Variants in TTLL5 observed in about 807,000 individuals in gnomAD.
TTLL5 encodes the protein tubulin polyglutamylase TTLL5.
Under a neutral mutation model 168.4 loss-of-function variants are expected in TTLL5, and 132 were observed. That is an observed-to-expected ratio of 0.78 (90% CI 0.68 to 0.91). The LOEUF is 0.91. TTLL5 is among the 40% of genes least tolerant of loss of function. The probability of loss-of-function intolerance (pLI) is 0.00; values close to 1 mark genes in which losing one functional copy is unlikely to be tolerated. For synonymous variants in TTLL5, 546 were observed against 558.6 expected, an observed-to-expected ratio of 0.98 and a Z score of 0.32; for missense variants, 1,545 against 1,581.5, an observed-to-expected ratio of 0.98 and a Z score of 0.39.
rs531486901 is a variant in TTLL5 at position 75,874,736 on chromosome 14, G to T, written c.3523-7949G>T. 7.9e-5 allele frequency among the ~76,000 whole-genome samples: 12 copies of T among 152,166 alleles called. No homozygotes were observed. The South Asian group carries it at 2.1e-3, about 26-fold the overall frequency. On this transcript the variant is annotated intron_variant, in intron 29 of 31. Transcript: ENST00000298832. ...GGAAATGATCCAGCATATGTGAAAA[G>T]GTATAGATAACATGATGTTTATCAC...
intron 15 of TTLL5, among the ~76,000 whole-genome samples, chr14:75,742,349 T>A (rs1889328943): frequency 6.6e-6 from 1 of 152,244 alleles, no homozygotes. Context: ...GTAAGAAAGC[T>A]ACTTAACTGT....
At chr14:75,922,048 T>C (rs552161624) in intron 31 of TTLL5, among the ~76,000 whole-genome samples, 18 of 152,284 alleles carry the variant, frequency 1.2e-4, no homozygotes, top group Non-Finnish European at 2.1e-4. Flanking sequence ...TTGTTACTGG[T>C]GTATAGGAAT....
intron 28 of TTLL5, among the ~76,000 whole-genome samples, chr14:75,844,472 T>C (rs1896435589): frequency 6.6e-6 from 1 of 152,192 alleles, no homozygotes; most frequent in Non-Finnish European, 1.5e-5. Context: ...TAAGTTATGA[T>C]TTTCTGTTTC....
At chr14:75,689,266 C>T (rs962185506) in intron 5 of TTLL5, among the ~76,000 whole-genome samples, 2 of 152,172 alleles carry the variant, frequency 1.3e-5, no homozygotes, top group African/African-American at 2.4e-5. Context: ...CTGATGACTG[C>T]AGTGCTGGCC....
At chr14:75,817,273 C>T (rs1454555401) in intron 27 of TTLL5, among the ~76,000 whole-genome samples, 3 of 152,118 alleles carry the variant, frequency 2.0e-5, no homozygotes, top group Admixed American at 2.0e-4. Flanking sequence ...CCACCACGCC[C>T]AGCCTCTTCC....
intron 31 of TTLL5, among the ~76,000 whole-genome samples, chr14:75,951,721 C>G (rs1269283117): frequency 6.6e-6 from 1 of 152,178 alleles, no homozygotes; most frequent in African/African-American, 2.4e-5. Context: ...ATGATTCTGC[C>G]TCTGCACAAT....
intron 3 of TTLL5, among the ~76,000 whole-genome samples, chr14:75,669,804 G>A (rs748082889): frequency 2.0e-5 from 3 of 151,376 alleles, no homozygotes; most frequent in African/African-American, 2.4e-5. Flanking sequence ...TGTACAAGTC[G>A]TTGTTGTTTA....
At chr14:75,772,819 C>G (rs1472744264) in intron 21 of TTLL5, among the ~76,000 whole-genome samples, 5 of 152,088 alleles carry the variant, frequency 3.3e-5, no homozygotes, top group African/African-American at 9.7e-5. Context: ...AGGCACCCAC[C>G]ACCAAGCCTA....
chr14:75,887,409 C>A (rs1305551345), intron 30 of TTLL5: 2 of 814,640 alleles, frequency 2.5e-6, no homozygotes, highest in African/African-American at 1.9e-5. Flanking sequence ...ATAGAAGATA[C>A]CATATTGTGT....
chr14:75,756,381 A>C (rs911814411), intron 18 of TTLL5, among the ~76,000 whole-genome samples: 3 of 152,210 alleles, frequency 2.0e-5, no homozygotes, highest in African/African-American at 4.8e-5. Flanking sequence ...AAAGGGCAAC[A>C]TAGGGGATCT....
intron 28 of TTLL5, among the ~76,000 whole-genome samples, chr14:75,824,153 A>T (rs1275082478): frequency 6.6e-6 from 1 of 152,102 alleles, no homozygotes; most frequent in Admixed American, 6.5e-5. Context: ...GTTGCTGGGG[A>T]GGAGCAGTAA....
chr14:75,817,269 C>T (rs1454151619), intron 27 of TTLL5, among the ~76,000 whole-genome samples: 2 of 152,088 alleles, frequency 1.3e-5, no homozygotes, highest in Admixed American at 6.6e-5. Flanking sequence ...TGAGCCACCA[C>T]GCCCAGCCTC....
In TTLL5 at chr14:75,909,229, C is replaced by T. The variant is rs192977586; in HGVS notation, c.3823+7005C>T. On this transcript the variant is annotated intron_variant, in intron 31 of 31. Transcript: ENST00000298832. ...CAAACCAACCAGTCCTGAGTATCTA[C>T]ACCCAACCTCCTTATCAAACTTTCA... 5.1e-4 allele frequency among the ~76,000 whole-genome samples: 77 copies of T among 150,650 alleles called. No individual in the cohort carries two copies. In the East Asian group the frequency reaches 0.013, roughly 25 times the overall value.
intron 12 of TTLL5, among the ~76,000 whole-genome samples, chr14:75,728,116 G>A (rs1304590949): frequency 1.3e-5 from 2 of 152,196 alleles, no homozygotes; most frequent in Non-Finnish European, 2.9e-5. Flanking sequence ...AGCACTTTGG[G>A]AGGCCAAGGA....
At position 75,683,544 on chromosome 14, in the gene TTLL5, C is replaced by T; in HGVS notation, c.265-6C>T. 1 of 1,611,002 alleles carries T rather than the reference C, an allele frequency of 6.2e-7. No individual in the cohort carries two copies. The highest frequency in any genetic ancestry group is 1.1e-5 in the South Asian group (1 of 90,802). ...TTTGCCTTCTTGTCTTTCTGTCTGC[C>T]CTCAGGTTCACCCAAGCAGCACTGA... On this transcript the variant is annotated splice_region_variant and splice_polypyrimidine_tract_variant and intron_variant, in intron 4 of 31. Coordinates refer to ENST00000298832, the MANE Select transcript of TTLL5 (RefSeq NM_015072.5).
intron 20 of TTLL5, among the ~76,000 whole-genome samples, chr14:75,769,557 C>T (rs1286809996): frequency 6.6e-6 from 1 of 152,078 alleles, no homozygotes; most frequent in Non-Finnish European, 1.5e-5. Context: ...ATTTGCTTTG[C>T]AACAGTGATT....
At chr14:75,768,874 A>T (rs1303899014) in intron 20 of TTLL5, among the ~76,000 whole-genome samples, 3 of 152,198 alleles carry the variant, frequency 2.0e-5, no homozygotes, top group African/African-American at 7.2e-5. Flanking sequence ...AGAATATGCT[A>T]AACTCAGTCA....
intron 9 of TTLL5, among the ~76,000 whole-genome samples, chr14:75,716,519 G>A (rs948569583): frequency 6.6e-6 from 1 of 152,030 alleles, no homozygotes; most frequent in Non-Finnish European, 1.5e-5. Context: ...CCTTTAATGT[G>A]GTGAAAATTC....
rs192972988 is a variant in TTLL5, at chr14:75,669,409, G to T, written c.75-7G>T. On this transcript the variant is annotated splice_region_variant and splice_polypyrimidine_tract_variant and intron_variant, in intron 2 of 31. Transcript: ENST00000298832. ...GTAAATTAATGAAGGCTTTTTTGTC[G>T]TTATAGGGATCATCCATGCATCATG... The T allele has an allele frequency of 6.2e-7, 1 of 1,609,556 alleles. No homozygotes were observed.
Sources: allele counts gnomAD v4.1 joint callset (sites outside exome capture counted in the v4.1 genomes callset), GRCh38; gene constraint gnomAD v4.1.1; transcripts MANE v1.5; gene names NCBI Gene and HGNC (gene_info 2026-07-23, HGNC 2026-07-21).